Variants in ADAM22 observed in about 807,000 individuals in gnomAD.
The protein encoded by ADAM22 is ADAM metallopeptidase domain 22.
Under a neutral mutation model 144.6 loss-of-function variants are expected in ADAM22, and 65 were observed. The observed-to-expected ratio is 0.45, with a 90% CI of 0.37 to 0.55. The LOEUF (loss-of-function observed/expected upper bound fraction) is 0.55. Ranked by LOEUF, ADAM22 falls within the 20% of genes least tolerant of loss-of-function variation. The pLI is 0.00. For synonymous variants in ADAM22, 391 were observed against 412.6 expected (o/e 0.95, Z 0.63); for missense variants, 974 against 1,184.9 (o/e 0.82, Z 2.61).
At chr7:88,173,911 G>T (rs1453773629) in intron 26 of ADAM22, among the ~76,000 whole-genome samples, 1 of 152,166 alleles carries the variant, frequency 6.6e-6, no homozygotes, top group Admixed American at 6.5e-5. Flanking sequence ...GGTGAATGCA[G>T]TTGTTCTCAA....
intron 3 of ADAM22, among the ~76,000 whole-genome samples, chr7:88,025,388 A>T (rs1434833492): frequency 1.3e-5 from 2 of 151,842 alleles, no homozygotes; most frequent in Admixed American, 1.3e-4. Context: ...ATGTGATCCC[A>T]TTTGTCCATT....
intron 4 of ADAM22, among the ~76,000 whole-genome samples, chr7:88,088,944 C>T (rs771836059): frequency 3.0e-4 from 45 of 151,438 alleles, no homozygotes; most frequent in Non-Finnish European, 5.0e-4. Flanking sequence ...TGACTGCATT[C>T]CATTTCTTTT....
chr7:88,107,198 C>CTTTTTT (rs561936408), intron 4 of ADAM22, among the ~76,000 whole-genome samples: 58 of 76,562 alleles, frequency 7.6e-4, no homozygotes, highest in African/African-American at 9.0e-4. Flanking sequence ...GATTGAATTT[C>CTTTTTT]TTTTTTTTTT....
chr7:88,152,011 A>G (rs928664788), intron 20 of ADAM22, among the ~76,000 whole-genome samples: 2 of 152,168 alleles, frequency 1.3e-5, no homozygotes, highest in African/African-American at 2.4e-5. Context: ...GTTTCAGGAG[A>G]CAATTTGTAG....
At chr7:88,141,509 A>T (rs779811640) in intron 14 of ADAM22, among the ~76,000 whole-genome samples, 29 of 152,192 alleles carry the variant, frequency 1.9e-4, no homozygotes, top group Admixed American at 3.9e-4. Flanking sequence ...GGGAAACTTT[A>T]TAAAAACTAC....
chr7:87,944,816 G>GTTTTTTTTTTTTTTTTTT (rs11311070), intron 2 of ADAM22, among the ~76,000 whole-genome samples: 9 of 127,022 alleles, frequency 7.1e-5, no homozygotes, highest in Non-Finnish European at 6.6e-5. Flanking sequence ...GGAAACTTGT[G>GTTTTTTTTTTTTTTTTTT]TTTTTTTTTT....
At chr7:88,169,407 T>G (rs926760534) in intron 25 of ADAM22, among the ~76,000 whole-genome samples, 1 of 152,118 alleles carries the variant, frequency 6.6e-6, no homozygotes, top group Non-Finnish European at 1.5e-5. Context: ...CCATGTAGTC[T>G]TCCACAAATT....
At chr7:88,164,003 A>G (rs949484978) in intron 23 of ADAM22, among the ~76,000 whole-genome samples, 17 of 152,076 alleles carry the variant, frequency 1.1e-4, no homozygotes, top group Non-Finnish European at 1.5e-5. Flanking sequence ...TGGTCTTTCC[A>G]TGCTTGTCCT....
chr7:87,944,090 C>A (rs1342441331), intron 2 of ADAM22, among the ~76,000 whole-genome samples: 2 of 151,924 alleles, frequency 1.3e-5, no homozygotes, highest in Admixed American at 6.6e-5. Context: ...TCACACTGCC[C>A]CATGTCTCTA....
At chr7:88,008,802 C>G (rs923723899) in intron 3 of ADAM22, among the ~76,000 whole-genome samples, 7 of 151,140 alleles carry the variant, frequency 4.6e-5, no homozygotes, top group Non-Finnish European at 7.4e-5. Flanking sequence ...TGCTAAATGA[C>G]GAGTTAATGG....
chr7:88,156,390 T>G (rs1839959940), intron 22 of ADAM22, among the ~76,000 whole-genome samples: 1 of 152,134 alleles, frequency 6.6e-6, no homozygotes, highest in Non-Finnish European at 1.5e-5. Flanking sequence ...AGTTCATATA[T>G]CCACAGGGAG....
chr7:87,983,245 T>A (rs1241776103), intron 3 of ADAM22, among the ~76,000 whole-genome samples: 1 of 152,144 alleles, frequency 6.6e-6, no homozygotes, highest in Non-Finnish European at 1.5e-5. Flanking sequence ...TAAACTTATA[T>A]TTTAATTTGG....
intron 11 of ADAM22, 193 bp downstream of exon 11, chr7:88,131,628 G>A (rs935047861): frequency 3.0e-5 from 17 of 562,128 alleles, no homozygotes; most frequent in African/African-American, 3.0e-4. Context: ...TTAATTTTGA[G>A]TTATTTTATT....
chr7:87,941,268 CAA>C (rs1472435831), intron 2 of ADAM22, among the ~76,000 whole-genome samples: 1 of 152,154 alleles, frequency 6.6e-6, no homozygotes, highest in East Asian at 1.9e-4. Context: ...TAACCAGTAA[CAA>C]ATGGGAAAAA....
chr7:88,108,397 T>G, intron 5 of ADAM22, 139 bp downstream of exon 5: 1 of 721,716 alleles, frequency 1.4e-6, no homozygotes, highest in African/African-American at 1.8e-5. Flanking sequence ...TTTTTTTTTC[T>G]CTTTTGTATT....
chr7:87,959,622 T>C (rs929827037), intron 2 of ADAM22, among the ~76,000 whole-genome samples: 2 of 152,292 alleles, frequency 1.3e-5, no homozygotes, highest in East Asian at 3.9e-4. Flanking sequence ...TGTTTTAATT[T>C]CCTTTTTAAA....
rs1563245817 is a variant in ADAM22 at position 88,113,708 on chromosome 7, ATATATATATATATATAT to A, written c.474-875_474-859del. Among the ~76,000 whole-genome samples, 824 of 93,734 alleles carry A rather than the reference ATATATATATATATATAT, an allele frequency of 8.8e-3. 44 individuals are homozygous for A. The highest frequency in any genetic ancestry group is 0.036 in the African/African-American group (789 of 21,744). The allele number at this position is 93,734 out of a possible 152,430, so 61.5% of individuals were successfully genotyped here. ...ATATTATAAATAAATAAATAAATAT[ATATATATATATATATAT>A]ATATATATATATATAGTAAGTCCTA... On this transcript the variant is annotated intron_variant, in intron 5 of 31. Transcript: ENST00000413139.
intron 2 of ADAM22, among the ~76,000 whole-genome samples, chr7:87,944,211 G>A (rs963964291): frequency 3.0e-4 from 46 of 151,880 alleles, no homozygotes; most frequent in Non-Finnish European, 2.4e-4. Context: ...CCACTAGTGA[G>A]GTTAGGGGAT....
intron 4 of ADAM22, among the ~76,000 whole-genome samples, chr7:88,093,477 G>A (rs1167478255): frequency 6.6e-6 from 1 of 152,024 alleles, no homozygotes; most frequent in Non-Finnish European, 1.5e-5. Flanking sequence ...TTTTGAAGGA[G>A]GATAATTGAT....
Sources: gnomAD v4.1 joint callset for allele counts (sites outside exome capture counted in the v4.1 genomes callset) on GRCh38, gnomAD v4.1.1 for gene constraint, MANE v1.5 for transcripts, NCBI Gene and HGNC (gene_info 2026-07-23, HGNC 2026-07-21) for gene names.